The following AGBL1 variants were observed in gnomAD, a reference collection of about 807,000 sequenced individuals.
AGBL1 encodes cytosolic carboxypeptidase 4.
In AGBL1, 130 loss-of-function variants were observed where a neutral mutation model predicts 118.9. The ratio of observed to expected loss-of-function variants is 1.09; its 90% CI spans 0.95 to 1.26. The LOEUF is 1.26. Ranked by LOEUF, AGBL1 falls within the 50% of genes most tolerant of loss-of-function variation. The pLI is 0.00. For missense variants in AGBL1, 1,584 were observed against 1,298.1 expected (o/e 1.22, Z -3.38); for synonymous variants, 555 against 478.9 (o/e 1.16, Z -2.08).
At chr15:86,104,009 T>C (rs931636109) in intron 1 of AGBL1, among the ~76,000 whole-genome samples, 1 of 151,996 alleles carries the variant, frequency 6.6e-6, no homozygotes, top group African/African-American at 2.4e-5. Flanking sequence ...CTGTGATGGG[T>C]GAGGAGGGCC....
chr15:86,362,963 A>G (rs2080829162), intron 17 of AGBL1, among the ~76,000 whole-genome samples: 1 of 152,186 alleles, frequency 6.6e-6, no homozygotes, highest in South Asian at 2.1e-4. Context: ...TACCTGGGGC[A>G]TGGACAGGTG....
chr15:86,987,837 A>T, intron 23 of AGBL1: 1 of 692,810 alleles, frequency 1.4e-6, no homozygotes, highest in Non-Finnish European at 2.2e-6. Flanking sequence ...TATGTTTCTG[A>T]CCTTATGTTG....
intron 22 of AGBL1, among the ~76,000 whole-genome samples, chr15:86,742,062 G>T (rs2077687610): frequency 6.6e-6 from 1 of 151,818 alleles, no homozygotes; most frequent in African/African-American, 2.4e-5. Context: ...TTTTTGTGTG[G>T]AGAGGAGGGT....
intron 22 of AGBL1, among the ~76,000 whole-genome samples, chr15:86,757,180 C>T (rs569616248): frequency 1.3e-5 from 2 of 152,048 alleles, no homozygotes; most frequent in African/African-American, 2.4e-5. Context: ...TCTGAAGATA[C>T]ATAGAAAAAG....
chr15:86,273,960 C>G (rs566489908), intron 15 of AGBL1, among the ~76,000 whole-genome samples: 1 of 152,236 alleles, frequency 6.6e-6, no homozygotes, highest in Non-Finnish European at 1.5e-5. Context: ...CTCTGTAGGG[C>G]CAATCGTCAT....
At chr15:86,993,352 C>T (rs775346399) in intron 24 of AGBL1, among the ~76,000 whole-genome samples, 7 of 152,170 alleles carry the variant, frequency 4.6e-5, no homozygotes, top group Non-Finnish European at 8.8e-5. Flanking sequence ...ATATTGGACA[C>T]TGTGATAGGC....
intron 22 of AGBL1, among the ~76,000 whole-genome samples, chr15:86,783,692 C>T (rs370545902): frequency 6.2e-4 from 94 of 152,336 alleles, no homozygotes; most frequent in African/African-American, 2.1e-3. Flanking sequence ...TGCAGAGGCA[C>T]AGTCTCAGCT....
At chr15:86,245,133 C>G (rs1346837288) in intron 6 of AGBL1, among the ~76,000 whole-genome samples, 1 of 152,036 alleles carries the variant, frequency 6.6e-6, no homozygotes, top group East Asian at 1.9e-4. Context: ...GGGGCTTAGT[C>G]AAGCCTGACA....
chr15:86,286,537 A>G (rs1331985489), intron 16 of AGBL1, among the ~76,000 whole-genome samples: 1 of 151,392 alleles, frequency 6.6e-6, no homozygotes, highest in Non-Finnish European at 1.5e-5. Flanking sequence ...ACTTTTTTAT[A>G]TTTCATGTAT....
chr15:86,160,877 G>T, intron 5 of AGBL1, among the ~76,000 whole-genome samples: 1 of 152,142 alleles, frequency 6.6e-6, no homozygotes, highest in East Asian at 1.9e-4. Flanking sequence ...AAGGCACTAG[G>T]TCTCTTCCTT....
Position 86,546,029 on chromosome 15 carries a change from C to G in AGBL1, c.2713C>G (p.Gln905Glu), listed in dbSNP as rs773606595. 3 of 1,613,192 alleles carry G rather than the reference C, an allele frequency of 1.9e-6. No homozygotes were observed. The highest frequency in any genetic ancestry group is 2.5e-6 in the Non-Finnish European group (3 of 1,179,454). Reference sequence around the variant, plus strand: ...TTTCTGTGACTTCCATGGCCACTCCCAAAAGAAGAATGTGTTCCTTTATGG... The same window carrying G: ...TTTCTGTGACTTCCATGGCCACTCCGAAAAGAAGAATGTGTTCCTTTATGG... ...VVFCDFHGHSQKKNVFLYGCS... is the reference protein window; with the variant it reads ...VVFCDFHGHSEKKNVFLYGCS... Residue 905 changes from glutamine to glutamate, a missense_variant, in exon 20 of 23, where the codon CAA becomes GAA. Coordinates refer to ENST00000614907, the MANE Select transcript of AGBL1 (RefSeq NM_001386094.1).
chr15:86,323,815 T>C (rs1334506471), intron 17 of AGBL1, among the ~76,000 whole-genome samples: 1 of 152,230 alleles, frequency 6.6e-6, no homozygotes, highest in Non-Finnish European at 1.5e-5. Context: ...GTGCTCAGTT[T>C]TGCACAGTAT....
chr15:86,424,517 C>G (rs904323775), intron 18 of AGBL1, among the ~76,000 whole-genome samples: 2 of 152,132 alleles, frequency 1.3e-5, no homozygotes, highest in African/African-American at 4.8e-5. Context: ...GCAATGGCAA[C>G]AAAAGCCAAA....
At chr15:86,875,683 C>T (rs986259011) in intron 22 of AGBL1, among the ~76,000 whole-genome samples, 4 of 152,186 alleles carry the variant, frequency 2.6e-5, no homozygotes, top group African/African-American at 7.2e-5. Flanking sequence ...AACTTTCTGG[C>T]CTCCATGTTC....
At chr15:87,027,776 G>A (rs1263110806) in intron 24 of AGBL1, among the ~76,000 whole-genome samples, 1 of 151,918 alleles carries the variant, frequency 6.6e-6, no homozygotes, top group Non-Finnish European at 1.5e-5. Context: ...GCAAACTAAT[G>A]CGGGAACAGA....
intron 17 of AGBL1, among the ~76,000 whole-genome samples, chr15:86,328,202 T>A (rs1436758288): frequency 1.3e-5 from 2 of 152,166 alleles, no homozygotes; most frequent in East Asian, 3.9e-4. Context: ...GAGATCAAGT[T>A]AATGCTTATT....
At chr15:86,854,512 T>C (rs1040046775) in intron 22 of AGBL1, among the ~76,000 whole-genome samples, 11 of 152,170 alleles carry the variant, frequency 7.2e-5, no homozygotes, top group Non-Finnish European at 1.5e-4. Context: ...AGGATTATGA[T>C]GTTCATCTAT....
rs756959933 is a variant in AGBL1, at chr15:86,295,307, G to T, written c.2273G>T (p.Arg758Leu). Reference protein sequence around the residue: ...KSVNLKEVYFRQDVLCQTLGG... With the variant: ...KSVNLKEVYFLQDVLCQTLGG... The stretch of plus-strand genomic sequence containing the variant: ...GTCAACCTCAAAGAGGTCTACTTCC[G>T]GCAAGATGTTCTCTGCCAGACGCTG... Residue 758 changes from arginine to leucine, a missense_variant, in exon 17 of 23, where the codon CGG becomes CTG. Physicochemically the swap from Arg to Leu is moderately radical, Grantham distance 102 (BLOSUM62 -2). Transcript: ENST00000614907. The T allele has an allele frequency of 3.1e-6, 5 of 1,613,576 alleles. No homozygotes were observed. Among genetic ancestry groups the T allele is most frequent in the Non-Finnish European group, 4.2e-6 (5 of 1,179,710 alleles).
chr15:86,336,821 A>G (rs1682154099), intron 17 of AGBL1, among the ~76,000 whole-genome samples: 1 of 152,346 alleles, frequency 6.6e-6, no homozygotes, highest in Non-Finnish European at 1.5e-5. Flanking sequence ...GCCTTAAGAA[A>G]GAGACAAATG....
Sources: gnomAD v4.1 joint callset for allele counts (sites outside exome capture counted in the v4.1 genomes callset) on GRCh38, gnomAD v4.1.1 for gene constraint, MANE v1.5 for transcripts, NCBI Gene and HGNC (gene_info 2026-07-23, HGNC 2026-07-21) for gene names.